Variants in ARMC2 observed in about 807,000 individuals in gnomAD.
The protein encoded by ARMC2 is armadillo repeat containing 2.
Under a neutral mutation model 90.3 loss-of-function variants are expected in ARMC2, and 67 were observed. That is an observed-to-expected ratio of 0.74 (90% CI 0.61 to 0.91). The LOEUF (loss-of-function observed/expected upper bound fraction) is 0.91, where lower values mean the gene tolerates loss of function less well. ARMC2 is among the 40% of genes least tolerant of loss of function. The probability of loss-of-function intolerance (pLI) is 0.00; values close to 1 mark genes in which losing one functional copy is unlikely to be tolerated. For synonymous variants in ARMC2, 393 were observed against 393.0 expected (o/e 1.00, Z 0.00); for missense variants, 920 against 1,030.9 (o/e 0.89, Z 1.47).
At chr6:108,894,357 A>G (rs910272527) in intron 5 of ARMC2, 110 bp from the exon 6 acceptor site, 12 of 897,910 alleles carry the variant, frequency 1.3e-5, no homozygotes, top group Non-Finnish European at 2.0e-5. Flanking sequence ...TGACAGAGTG[A>G]GACCTATCTC....
intron 10 of ARMC2, among the ~76,000 whole-genome samples, chr6:108,925,801 C>T (rs1775054158): frequency 6.6e-6 from 1 of 152,100 alleles, no homozygotes; most frequent in Non-Finnish European, 1.5e-5. Flanking sequence ...CCACAAATGA[C>T]AAATTTGGAA....
chr6:108,914,884 C>G (rs924654224), intron 10 of ARMC2, among the ~76,000 whole-genome samples: 1 of 152,008 alleles, frequency 6.6e-6, no homozygotes, highest in Admixed American at 6.6e-5. Context: ...CCAGACAGAT[C>G]TGGCCACAAG....
intron 10 of ARMC2, among the ~76,000 whole-genome samples, chr6:108,923,221 G>A (rs1389146948): frequency 1.3e-5 from 2 of 152,218 alleles, no homozygotes; most frequent in Non-Finnish European, 1.5e-5. Context: ...AGGGATTTGA[G>A]GTGGTTTGAA....
chr6:108,910,189 G>C (rs577239719), intron 8 of ARMC2, among the ~76,000 whole-genome samples: 1 of 152,256 alleles, frequency 6.6e-6, no homozygotes, highest in South Asian at 2.1e-4. Flanking sequence ...GACTTGGCTG[G>C]GCGTGGTGGC....
At chr6:109,013,264 A>C in the ARMC2 span, among the ~76,000 whole-genome samples, 1 of 152,178 alleles carries the variant, frequency 6.6e-6, no homozygotes, top group Non-Finnish European at 1.5e-5. Flanking sequence ...GCAAGGGGCA[A>C]AACTAGGGGC....
chr6:108,934,089 T>C (rs1251528668), intron 11 of ARMC2, among the ~76,000 whole-genome samples: 1 of 152,174 alleles, frequency 6.6e-6, no homozygotes. Flanking sequence ...CTCAAACTCC[T>C]GACCTCAGGT....
At chr6:109,027,297 A>AC in the ARMC2 span, among the ~76,000 whole-genome samples, 12 of 151,746 alleles carry the variant, frequency 7.9e-5, no homozygotes, top group Non-Finnish European at 1.6e-4. Context: ...ACATGGTGAA[A>AC]CCCCGTCTCT....
At chr6:108,938,259 C>T (rs944685303) in intron 12 of ARMC2, among the ~76,000 whole-genome samples, 2 of 151,882 alleles carry the variant, frequency 1.3e-5, no homozygotes, top group African/African-American at 4.8e-5. Context: ...ATATTAAGAC[C>T]ACCCCAAAAC....
the ARMC2 span, among the ~76,000 whole-genome samples, chr6:109,052,814 C>G: frequency 6.6e-6 from 1 of 152,000 alleles, no homozygotes; most frequent in African/African-American, 2.4e-5. Flanking sequence ...TTAGTTCATT[C>G]ATTTGTCCCT....
chr6:108,953,313 C>A lies in ARMC2; in HGVS notation c.1877C>A (p.Ala626Asp). The A allele has an allele frequency of 6.2e-7, 1 of 1,609,300 alleles. No individual in the cohort carries two copies. The highest frequency in any genetic ancestry group is 1.7e-4 in the Middle Eastern group (1 of 6,052). Reference protein sequence around the residue: ...IHPGVGPVLAANPGIVGLLLT... With the variant: ...IHPGVGPVLADNPGIVGLLLT... ...CCGGGCGTGGGCCCGGTGCTGGCCGCCAACCCGGGGATAGTGGGCCTGCTC... is the reference window on the plus strand; with the variant it reads ...CCGGGCGTGGGCCCGGTGCTGGCCGACAACCCGGGGATAGTGGGCCTGCTC... The change falls in exon 13 of 18, where the codon GCC becomes GAC. Residue 626 changes from alanine to aspartate, a missense_variant. By Grantham distance (126) the Ala-to-Asp change is moderately radical. Transcript: ENST00000392644.
intron 17 of ARMC2, among the ~76,000 whole-genome samples, chr6:108,969,236 G>A (rs755488598): frequency 5.3e-5 from 8 of 152,160 alleles, no homozygotes; most frequent in Admixed American, 1.3e-4. Flanking sequence ...TAGAACATTC[G>A]ACAACTTTGC....
At chr6:109,000,791 T>A in the ARMC2 span, 1 of 821,612 alleles carries the variant, frequency 1.2e-6, no homozygotes, top group Non-Finnish European at 1.7e-6. Context: ...AAATTTTCCG[T>A]AAACTACAGA....
chr6:108,921,138 T>G (rs1774522338), intron 10 of ARMC2, among the ~76,000 whole-genome samples: 1 of 152,248 alleles, frequency 6.6e-6, no homozygotes, highest in African/African-American at 2.4e-5. Flanking sequence ...ACTATCTTTT[T>G]CAGACTCCTT....
rs767911974 is a variant in ARMC2, at chr6:108,928,112, G to A, written c.1375G>A (p.Val459Ile). ...VQVTATLRNL[V>I]DSSLVRSKFL... ...GGTGACTGCTACATTGAGAAACTTG[G>A]TTGATTCATCATTAGTAAGAAGTAA... The change falls in exon 11 of 18, where the codon GTT (valine) becomes ATT (isoleucine). Residue 459 changes from valine to isoleucine, a missense_variant. Physicochemically the swap from Val to Ile is conservative, Grantham distance 29. Transcript: ENST00000392644. The A allele has an allele frequency of 1.7e-5, 27 of 1,606,708 alleles. No homozygotes were observed. The South Asian group carries it at 2.0e-4, about 12-fold the overall frequency.
the ARMC2 span, among the ~76,000 whole-genome samples, chr6:109,049,210 G>A: frequency 6.6e-6 from 1 of 152,160 alleles, no homozygotes; most frequent in Middle Eastern, 3.4e-3. Context: ...TAAAAAAGAA[G>A]GAATCCTGTC....
At chr6:108,946,594 G>A (rs1303291793) in intron 12 of ARMC2, among the ~76,000 whole-genome samples, 3 of 152,192 alleles carry the variant, frequency 2.0e-5, no homozygotes, top group East Asian at 1.9e-4. Context: ...AAAGCAAATT[G>A]TAAATCCTGA....
At chr6:108,914,029 C>G (rs932288306) in intron 10 of ARMC2, among the ~76,000 whole-genome samples, 2 of 152,146 alleles carry the variant, frequency 1.3e-5, no homozygotes, top group African/African-American at 4.8e-5. Flanking sequence ...TTGAGATATT[C>G]ACTCTGTTTT....
At chr6:109,005,855 G>T in the ARMC2 span, among the ~76,000 whole-genome samples, 2 of 152,156 alleles carry the variant, frequency 1.3e-5, no homozygotes, top group Non-Finnish European at 2.9e-5. Flanking sequence ...TGAGTCTTTT[G>T]TTATAGATTC....
chr6:109,037,682 T>G, the ARMC2 span, among the ~76,000 whole-genome samples: 1 of 152,152 alleles, frequency 6.6e-6, no homozygotes, highest in Non-Finnish European at 1.5e-5. Context: ...ATTTATCATA[T>G]TATAGTTTTT....
Sources: gnomAD v4.1 joint callset for allele counts (sites outside exome capture counted in the v4.1 genomes callset) on GRCh38, gnomAD v4.1.1 for gene constraint, MANE v1.5 for transcripts, NCBI Gene and HGNC (gene_info 2026-07-23, HGNC 2026-07-21) for gene names.